Variants in PCDHGC3 observed in about 807,000 individuals in gnomAD.
PCDHGC3 encodes the protein protocadherin gamma-C3.
In PCDHGC3, 26 loss-of-function variants were observed where a neutral mutation model predicts 59.2. That is an observed-to-expected ratio of 0.44 (90% CI 0.32 to 0.61). The LOEUF (loss-of-function observed/expected upper bound fraction) is 0.61, where lower values mean the gene tolerates loss of function less well. Among genes scored for constraint, PCDHGC3 ranks in the 20% least tolerant of loss-of-function variants. The pLI is 0.05. For synonymous variants in PCDHGC3, 487 were observed against 519.7 expected (o/e 0.94, Z 0.86); for missense variants, 1,080 against 1,221.8 (o/e 0.88, Z 1.73).
At chr5:141,499,689 CTTT>C (rs545067566) in intron 2 of PCDHGC3, among the ~76,000 whole-genome samples, 2 of 119,848 alleles carry the variant, frequency 1.7e-5, no homozygotes, top group African/African-American at 3.1e-5. Context: ...TAACAGATGA[CTTT>C]TTTTTTTTTT....
At position 141,505,200 on chromosome 5, in the gene PCDHGC3, G is replaced by T. The variant is rs528060752; in HGVS notation, c.2490-193G>T. On this transcript the variant is annotated intron_variant, in intron 2 of 3. Transcript: ENST00000308177. ...AAAGCATCGGAGGCAGCAAAGAGCTGGTTTGAGGGACTGACTTGTGGGATT... is the reference window on the plus strand; with the variant it reads ...AAAGCATCGGAGGCAGCAAAGAGCTTGTTTGAGGGACTGACTTGTGGGATT... Among the ~76,000 whole-genome samples the T allele has an allele frequency of 6.6e-5, 10 of 152,244 alleles. No individual in the cohort carries two copies. The East Asian group carries it at 7.7e-4, about 12-fold the overall frequency.
In PCDHGC3 at chr5:141,489,948, T is replaced by C; in HGVS notation, c.2431-4859T>C. 2 of 1,614,210 alleles carry C rather than the reference T, an allele frequency of 1.2e-6. No individual in the cohort carries two copies. Among genetic ancestry groups the C allele is most frequent in the Non-Finnish European group, 1.7e-6 (2 of 1,180,030 alleles). On this transcript the variant is annotated intron_variant, in intron 1 of 3. Coordinates refer to ENST00000308177, the MANE Select transcript of PCDHGC3 (RefSeq NM_002588.4). The surrounding 1 kb of genome is among the most constrained non-coding windows in gnomAD (Gnocchi z 4.5). ...TCTCTGTCATCGTGCTGGACATCAA[T>C]GATAATGCTCCAACCTTCCAATCCT...
At chr5:141,509,669 G>GAGAA (rs2099877764) in intron 3 of PCDHGC3, among the ~76,000 whole-genome samples, 1 of 152,180 alleles carries the variant, frequency 6.6e-6, no homozygotes, top group African/African-American at 2.4e-5. Flanking sequence ...CTGGGCCCCA[G>GAGAA]TTTCTTCTTC....
rs773499765 is a variant in PCDHGC3 at position 141,489,626 on chromosome 5, A to T, written c.2431-5181A>T. 6.2e-6 allele frequency: 10 copies of T among 1,613,568 alleles called. No individual in the cohort carries two copies. In the South Asian group the frequency reaches 9.9e-5, roughly 16 times the overall value. On this transcript the variant is annotated intron_variant, in intron 1 of 3. Coordinates refer to ENST00000308177, the MANE Select transcript of PCDHGC3 (RefSeq NM_002588.4). The surrounding 1 kb of genome is among the most constrained non-coding windows in gnomAD (Gnocchi z 4.5). The stretch of plus-strand genomic sequence containing the variant: ...GTAGAGATCCTGGATCTCAATGACA[A>T]CTCTCCTAGCTTTGCCACCCCTGAG...
At position 141,489,754 on chromosome 5, in the gene PCDHGC3, C is replaced by G; in HGVS notation, c.2431-5053C>G. 1 of 1,614,110 alleles carries G rather than the reference C, an allele frequency of 6.2e-7. No homozygotes were observed. The highest frequency in any genetic ancestry group is 8.5e-7 in the Non-Finnish European group (1 of 1,179,972). ...CACCAATACTGTGAGCTTTTACACT[C>G]TAAGCCCCAACAGCCACTTCTCTCT... On this transcript the variant is annotated intron_variant, in intron 1 of 3. Coordinates refer to ENST00000308177, the MANE Select transcript of PCDHGC3 (RefSeq NM_002588.4). The surrounding 1 kb of genome is among the most constrained non-coding windows in gnomAD (Gnocchi z 4.5).
rs558074504 is a variant in PCDHGC3 at position 141,489,065 on chromosome 5, C to A, written c.2431-5742C>A. ...CCACTCAAATTCAGCTCCCCTCCCCCCTGCCCACCCCCGCCACTCGGTGAC... is the reference window on the plus strand; with the variant it reads ...CCACTCAAATTCAGCTCCCCTCCCCACTGCCCACCCCCGCCACTCGGTGAC... On this transcript the variant is annotated intron_variant, in intron 1 of 3. Transcript: ENST00000308177. The surrounding 1 kb of genome is among the most constrained non-coding windows in gnomAD (Gnocchi z 4.5). 1,377 of 389,040 alleles carry A rather than the reference C, an allele frequency of 3.5e-3. 31 individuals carry two copies. Among genetic ancestry groups the A allele is most frequent in the Admixed American group, 9.8e-3 (226 of 22,946 alleles). 24.1% of individuals were successfully genotyped at this position (389,040 alleles called of 1,614,324 possible).
intron 2 of PCDHGC3, 37 bp downstream of exon 2, chr5:141,494,902 C>T (rs2099757367): frequency 1.9e-6 from 3 of 1,614,024 alleles, no homozygotes; most frequent in Non-Finnish European, 2.5e-6. Flanking sequence ...CTCTTCTCTG[C>T]GGCATTTTCT....
Position 141,487,171 on chromosome 5 carries a change from G to C in PCDHGC3, c.2431-7636G>C. ...CTGTTACTCTCTTAGTGTCCTTAGA[G>C]GAAGACACTCATCCAGTTGTCCCAG... On this transcript the variant is annotated intron_variant, in intron 1 of 3. Transcript: ENST00000308177. The surrounding 1 kb of genome is among the most constrained non-coding windows in gnomAD (Gnocchi z 5.0). 1 of 1,612,938 alleles carries C rather than the reference G, an allele frequency of 6.2e-7. No individual in the cohort carries two copies. Among genetic ancestry groups the C allele is most frequent in the Non-Finnish European group, 8.5e-7 (1 of 1,178,910 alleles).
At chr5:141,506,306 G>A (rs539365378) in intron 3 of PCDHGC3, among the ~76,000 whole-genome samples, 4 of 152,040 alleles carry the variant, frequency 2.6e-5, no homozygotes, top group Non-Finnish European at 5.9e-5. Flanking sequence ...AAAATTAGCT[G>A]GGCATGGTGG....
At chr5:141,504,303 G>A (rs1157625808) in intron 2 of PCDHGC3, among the ~76,000 whole-genome samples, 4 of 151,938 alleles carry the variant, frequency 2.6e-5, no homozygotes, top group Admixed American at 2.6e-4. Context: ...TTCAACACTC[G>A]GAGTTTCTAA....
In PCDHGC3 at chr5:141,491,727, G is replaced by C; in HGVS notation, c.2431-3080G>C. On this transcript the variant is annotated intron_variant, in intron 1 of 3. Transcript: ENST00000308177. This position sits in a 1 kb window ranked among gnomAD's most constrained non-coding sequence, Gnocchi z 6.9. ...TGAGGGGCTCGGCGCCGCCCCGGGC[G>C]ACCCCTGGGGGCGGCACTGGAGAAG... 6.2e-7 allele frequency: 1 copy of C among 1,604,916 alleles called. No individual in the cohort carries two copies. The highest frequency in any genetic ancestry group is 8.5e-7 in the Non-Finnish European group (1 of 1,176,284).
In PCDHGC3 at chr5:141,476,599, TC is replaced by T; in HGVS notation, c.486del (p.Asp163MetfsTer12). The T allele has an allele frequency of 6.2e-7, 1 of 1,614,210 alleles. No individual in the cohort carries two copies. ...GCTTTCCGCTCGAGAGCGCGCACGA[TC>T]CCGATGTGGGAAGCAACTCTTTACA... is the stretch of plus-strand genomic sequence containing the variant. ...TRFPLESAHD[P>X]DVGSNSLQTY... On this transcript the variant is annotated frameshift_variant, in exon 1 of 4. Transcript: ENST00000308177. LOFTEE classifies it high-confidence loss of function. This position sits in a 1 kb window ranked among gnomAD's most constrained non-coding sequence, Gnocchi z 7.6.
intron 2 of PCDHGC3, among the ~76,000 whole-genome samples, chr5:141,503,269 C>A (rs1161751693): frequency 6.6e-6 from 1 of 152,116 alleles, no homozygotes; most frequent in Non-Finnish European, 1.5e-5. Context: ...ACCCCAGCAC[C>A]TGGCTCTGTG....
intron 1 of PCDHGC3, 157 bp from the exon 2 acceptor site, chr5:141,494,645 GTGTAT>G: frequency 1.1e-6 from 1 of 935,948 alleles, no homozygotes; most frequent in Non-Finnish European, 1.3e-6. Context: ...GAGACCTGAG[GTGTAT>G]TTTGTCTTTG....
At position 141,478,239 on chromosome 5, in the gene PCDHGC3, C is replaced by T; in HGVS notation, c.2123C>T (p.Thr708Ile). 2 of 1,614,132 alleles carry T rather than the reference C, an allele frequency of 1.2e-6. No individual in the cohort carries two copies. The highest frequency in any genetic ancestry group is 1.7e-6 in the Non-Finnish European group (2 of 1,180,036). ...LILVSVGFVV[T>I]VFGVIIFKVY... Reference sequence around the variant, plus strand: ...CTGGTTTCTGTGGGGTTTGTGGTCACAGTGTTCGGAGTAATCATATTCAAA... The same window carrying T: ...CTGGTTTCTGTGGGGTTTGTGGTCATAGTGTTCGGAGTAATCATATTCAAA... Residue 708 changes from threonine to isoleucine, a missense_variant, in exon 1 of 4, where the codon ACA becomes ATA. Coordinates refer to ENST00000308177, the MANE Select transcript of PCDHGC3 (RefSeq NM_002588.4).
Position 141,504,006 on chromosome 5 carries a change from G to C in PCDHGC3, c.2490-1387G>C, listed in dbSNP as rs138738950. Among the ~76,000 whole-genome samples, 1,431 of 152,182 alleles carry C rather than the reference G, an allele frequency of 9.4e-3. 31 individuals are homozygous for C. The highest frequency in any genetic ancestry group is 0.033 in the African/African-American group (1,367 of 41,490). On this transcript the variant is annotated intron_variant, in intron 2 of 3. Coordinates refer to ENST00000308177, the MANE Select transcript of PCDHGC3 (RefSeq NM_002588.4). The stretch of plus-strand genomic sequence containing the variant: ...CTTCTTACCTTACAGTCACTTAACT[G>C]TCTCTGCTGGTCTCTTCCCACTCAT...
Position 141,485,754 on chromosome 5 carries a change from T to A in PCDHGC3, c.2430+7208T>A, listed in dbSNP as rs770807249. ...AGCGACGGCAGCCTGGTCCCAGAGC[T>A]GCTCCTGGAGAAGCCTTTGGATCGA... On this transcript the variant is annotated intron_variant, in intron 1 of 3. Transcript: ENST00000308177. This position sits in a 1 kb window ranked among gnomAD's most constrained non-coding sequence, Gnocchi z 5.7. 1 of 1,614,236 alleles carries A rather than the reference T, an allele frequency of 6.2e-7. No individual in the cohort carries two copies. The highest frequency in any genetic ancestry group is 8.5e-7 in the Non-Finnish European group (1 of 1,180,044).
rs1554175372 is a variant in PCDHGC3, at chr5:141,490,827, G to A, written c.2431-3980G>A. ...CCTTTGACTATGAATTGCTGCAGAT[G>A]CTGCAGATTGTGGTGGGGGTTCGAG... On this transcript the variant is annotated intron_variant, in intron 1 of 3. Transcript: ENST00000308177. This position sits in a 1 kb window ranked among gnomAD's most constrained non-coding sequence, Gnocchi z 5.4. 1 of 1,613,744 alleles carries A rather than the reference G, an allele frequency of 6.2e-7. No individual in the cohort carries two copies. Among genetic ancestry groups the A allele is most frequent in the Non-Finnish European group, 8.5e-7 (1 of 1,179,828 alleles).
intron 3 of PCDHGC3, among the ~76,000 whole-genome samples, chr5:141,509,722 C>A (rs919655821): frequency 5.9e-5 from 9 of 152,140 alleles, no homozygotes; most frequent in African/African-American, 2.2e-4. Flanking sequence ...CTGATGTCAC[C>A]TAGCTGTGGC....
Sources: gnomAD v4.1 joint callset for allele counts (sites outside exome capture counted in the v4.1 genomes callset) on GRCh38, gnomAD v4.1.1 for gene constraint, Gnocchi (gnomAD v3.1) non-coding constraint, MANE v1.5 for transcripts, NCBI Gene and HGNC (gene_info 2026-07-23, HGNC 2026-07-21) for gene names.